Variants in FHIP1A observed in about 807,000 individuals in gnomAD.
FHIP1A encodes FHF complex subunit HOOK interacting protein 1A.
In FHIP1A, 61 loss-of-function variants were observed where a neutral mutation model predicts 88.6. The ratio of observed to expected loss-of-function variants is 0.69; its 90% CI spans 0.56 to 0.85. The LOEUF is 0.85. FHIP1A is among the 40% of genes least tolerant of loss of function. The probability of loss-of-function intolerance (pLI) is 0.00; values close to 1 mark genes in which losing one functional copy is unlikely to be tolerated. For synonymous variants in FHIP1A, 478 were observed against 496.0 expected, an observed-to-expected ratio of 0.96 and a Z score of 0.48; for missense variants, 1,154 against 1,273.5, an observed-to-expected ratio of 0.91 and a Z score of 1.43.
intron 3 of FHIP1A, among the ~76,000 whole-genome samples, chr4:151,541,887 T>G (rs147719168): frequency 2.0e-5 from 3 of 152,320 alleles, no homozygotes; most frequent in African/African-American, 7.2e-5. Context: ...ACAGTACGCC[T>G]TTTCGGTCAT....
At chr4:151,514,876 C>T (rs1265775409) in intron 3 of FHIP1A, among the ~76,000 whole-genome samples, 1 of 152,134 alleles carries the variant, frequency 6.6e-6, no homozygotes, top group Non-Finnish European at 1.5e-5. Context: ...ACCAGAGGTA[C>T]AAGGAGGAAC....
intron 3 of FHIP1A, among the ~76,000 whole-genome samples, chr4:151,499,009 T>C (rs1411768488): frequency 6.6e-6 from 1 of 152,200 alleles, no homozygotes; most frequent in Admixed American, 6.5e-5. Context: ...TAAACAGTTA[T>C]TAAGCAATGA....
intron 3 of FHIP1A, among the ~76,000 whole-genome samples, chr4:151,488,797 A>G (rs931804703): frequency 2.0e-5 from 3 of 152,232 alleles, no homozygotes; most frequent in African/African-American, 7.2e-5. Flanking sequence ...CTATCACCCA[A>G]CGTAAGTATT....
intron 1 of FHIP1A, among the ~76,000 whole-genome samples, chr4:151,442,766 A>T (rs753916436): frequency 7.9e-5 from 12 of 152,068 alleles, no homozygotes; most frequent in Non-Finnish European, 1.8e-4. Flanking sequence ...CATCTCCTGC[A>T]TTGGTCCTTT....
At chr4:151,438,462 T>G (rs77233972) in intron 1 of FHIP1A, among the ~76,000 whole-genome samples, 4,937 of 152,092 alleles carry the variant, frequency 0.032, 191 homozygotes, top group East Asian at 0.11. Flanking sequence ...TATTTCTCTC[T>G]CCCTTTCCCT....
chr4:151,487,716 A>G (rs1208228960), intron 3 of FHIP1A, among the ~76,000 whole-genome samples: 1 of 152,240 alleles, frequency 6.6e-6, no homozygotes, highest in Non-Finnish European at 1.5e-5. Flanking sequence ...TCCTTACAAA[A>G]TCCTTTGAGA....
intron 3 of FHIP1A, among the ~76,000 whole-genome samples, chr4:151,510,532 T>C (rs1399063069): frequency 2.0e-5 from 3 of 152,206 alleles, no homozygotes; most frequent in African/African-American, 7.2e-5. Context: ...TGTTAACCTC[T>C]TACTTAACCT....
chr4:151,547,610 C>T (rs898868849), intron 3 of FHIP1A, among the ~76,000 whole-genome samples: 2 of 152,118 alleles, frequency 1.3e-5, no homozygotes, highest in African/African-American at 4.8e-5. Context: ...TTAGTATTTG[C>T]AGTGAGAAGG....
intron 3 of FHIP1A, among the ~76,000 whole-genome samples, chr4:151,514,738 C>A (rs142520563): frequency 0.014 from 2,188 of 151,902 alleles, 51 homozygotes; most frequent in African/African-American, 0.051. Context: ...CATACATCCT[C>A]CGAAGACTAA....
chr4:151,577,790 C>G lies in FHIP1A; in HGVS notation c.446C>G (p.Ser149Cys), dbSNP rs1274006251. 6.4e-7 allele frequency: 1 copy of G among 1,552,072 alleles called. No individual in the cohort carries two copies. ...AAGCCTCTGATGATGTTGCTGAGCT[C>G]TTGTTCAGGAACAACCACCCCCACT... ...ILKPLMMLLS[S>C]CSGTTTPTVE... Residue 149 changes from serine to cysteine, a missense_variant, in exon 5 of 14, where the codon TCT (serine) becomes TGT (cysteine). Ser to Cys is a moderately radical substitution (Grantham distance 112). Coordinates refer to ENST00000435205, the MANE Select transcript of FHIP1A (RefSeq NM_001109977.3).
At chr4:151,442,197 A>T (rs1199140665) in intron 1 of FHIP1A, among the ~76,000 whole-genome samples, 1 of 152,126 alleles carries the variant, frequency 6.6e-6, no homozygotes, top group African/African-American at 2.4e-5. Context: ...CGCGTGGCTG[A>T]TTGGTGCAGG....
At position 151,482,645 on chromosome 4, in the gene FHIP1A, C is replaced by T. The variant is rs1354801911; in HGVS notation, c.-126C>T. ...CAGTAGGTTATTGAAGACAGCAGCCCCAGGTAATGTCTTCTTTTCTCATTA... is the reference window on the plus strand; with the variant it reads ...CAGTAGGTTATTGAAGACAGCAGCCTCAGGTAATGTCTTCTTTTCTCATTA... On this transcript the variant is annotated 5_prime_UTR_variant, in exon 3 of 14. Coordinates refer to ENST00000435205, the MANE Select transcript of FHIP1A (RefSeq NM_001109977.3). 1 of 151,820 alleles carries T rather than the reference C, an allele frequency of 6.6e-6. No homozygotes were observed. Among genetic ancestry groups the T allele is most frequent in the East Asian group, 1.9e-4 (1 of 5,186 alleles). The allele number at this position is 151,820 out of a possible 1,614,324, so 9.4% of individuals were successfully genotyped here.
chr4:151,656,481 T>C lies in FHIP1A; in HGVS notation c.2730+71T>C, dbSNP rs1482225347. On this transcript the variant is annotated intron_variant, in intron 12 of 13. Coordinates refer to ENST00000435205, the MANE Select transcript of FHIP1A (RefSeq NM_001109977.3). This position sits in a 1 kb window ranked among gnomAD's most constrained non-coding sequence, Gnocchi z 4.2. ...CTAATTTGCAGGGCATCTATTTCTC[T>C]TTATTTTGTTTTTCAAAAATTCCTT... 8.3e-6 allele frequency: 12 copies of C among 1,443,102 alleles called. No homozygotes were observed. Among genetic ancestry groups the C allele is most frequent in the African/African-American group, 1.4e-5 (1 of 69,746 alleles). 89.4% of individuals were successfully genotyped at this position (1,443,102 alleles called of 1,614,324 possible).
In FHIP1A at chr4:151,504,614, T is replaced by TATGTTATGTC. The variant is rs1158451073; in HGVS notation, c.-123+21976_-123+21985dup. ...TATGTTATGTTATGTTATGTCATGT[T>TATGTTATGTC]ATGTTATGTCATGTTATGTTATTTT... On this transcript the variant is annotated intron_variant, in intron 3 of 13. Transcript: ENST00000435205. Among the ~76,000 whole-genome samples the TATGTTATGTC allele has an allele frequency of 4.2e-5, 5 of 118,978 alleles. 1 individual carries two copies. The highest frequency in any genetic ancestry group is 1.5e-4 in the African/African-American group (5 of 32,414). 78.1% of individuals were successfully genotyped at this position (118,978 alleles called of 152,430 possible).
intron 7 of FHIP1A, among the ~76,000 whole-genome samples, chr4:151,620,871 C>T (rs1735714259): frequency 7.2e-6 from 1 of 139,760 alleles, no homozygotes; most frequent in Non-Finnish European, 1.6e-5. Flanking sequence ...TCCCTACACA[C>T]CGAGAATAAA....
At chr4:151,624,495 C>CATTT (rs2126869550) in intron 7 of FHIP1A, among the ~76,000 whole-genome samples, 1 of 152,236 alleles carries the variant, frequency 6.6e-6, no homozygotes, top group East Asian at 1.9e-4. Flanking sequence ...CCTGAAAAGC[C>CATTT]ATTTGTTCAC....
At chr4:151,449,378 CTTAAAA>C (rs915317411) in intron 1 of FHIP1A, among the ~76,000 whole-genome samples, 5 of 151,906 alleles carry the variant, frequency 3.3e-5, no homozygotes, top group East Asian at 1.9e-4. Flanking sequence ...GAGGTGGCAT[CTTAAAA>C]TTAAAATTTT....
chr4:151,496,716 C>CTTTTTTTTTTTTTTTTTT (rs58538673), intron 3 of FHIP1A, among the ~76,000 whole-genome samples: 70 of 102,456 alleles, frequency 6.8e-4, no homozygotes, highest in Non-Finnish European at 1.0e-3. Flanking sequence ...CCACGTCCAG[C>CTTTTTTTTTTTTTTTTTT]TTTTTTTTTT....
At chr4:151,490,260 T>C (rs561446514) in intron 3 of FHIP1A, among the ~76,000 whole-genome samples, 15 of 152,226 alleles carry the variant, frequency 9.9e-5, no homozygotes, top group African/African-American at 3.6e-4. Context: ...TCCACTTTAC[T>C]CCCCTCCCAC....
Sources: allele counts gnomAD v4.1 joint callset (sites outside exome capture counted in the v4.1 genomes callset), GRCh38; gene constraint gnomAD v4.1.1; non-coding constraint Gnocchi (gnomAD v3.1); transcripts MANE v1.5; gene names NCBI Gene and HGNC (gene_info 2026-07-23, HGNC 2026-07-21).